The following CTNNA3 variants were observed in gnomAD, a reference collection of about 807,000 sequenced individuals.
The protein encoded by CTNNA3 is catenin alpha-3.
Under a neutral mutation model 95.7 loss-of-function variants are expected in CTNNA3, and 76 were observed. The observed-to-expected ratio is 0.79, with a 90% CI of 0.66 to 0.96. CTNNA3 has a LOEUF of 0.96. Among genes scored for constraint, CTNNA3 ranks in the 40% least tolerant of loss-of-function variants. CTNNA3 has a pLI of 0.00. For synonymous variants in CTNNA3, 431 were observed against 374.4 expected (o/e 1.15, Z -1.74); for missense variants, 1,191 against 1,089.8 (o/e 1.09, Z -1.31).
At chr10:66,934,019 C>T (rs111658588) in intron 7 of CTNNA3, among the ~76,000 whole-genome samples, 21 of 152,074 alleles carry the variant, frequency 1.4e-4, no homozygotes, top group East Asian at 3.9e-4. Context: ...CATGAATGGA[C>T]GCTCTTGAGT....
intron 1 of CTNNA3, among the ~76,000 whole-genome samples, chr10:67,718,524 T>A (rs1367848759): frequency 6.6e-6 from 1 of 152,204 alleles, no homozygotes; most frequent in African/African-American, 2.4e-5. Context: ...GAAGGGGTGT[T>A]AAATTTTATC....
chr10:66,911,077 C>G (rs1846201950), intron 7 of CTNNA3, among the ~76,000 whole-genome samples: 1 of 152,144 alleles, frequency 6.6e-6, no homozygotes, highest in African/African-American at 2.4e-5. Flanking sequence ...AAATATTATG[C>G]TAGCCATGTG....
intron 7 of CTNNA3, among the ~76,000 whole-genome samples, chr10:67,132,174 T>C (rs1351058058): frequency 6.6e-6 from 1 of 152,136 alleles, no homozygotes. Flanking sequence ...AGAAATCTAA[T>C]ATGACTCTTA....
At chr10:66,885,560 A>ACT (rs112269037) in intron 7 of CTNNA3, among the ~76,000 whole-genome samples, 1,756 of 152,218 alleles carry the variant, frequency 0.012, 41 homozygotes, top group African/African-American at 0.04. Context: ...TCTGTTAGAG[A>ACT]AACACTGGGA....
chr10:66,149,348 G>T (rs1211313590), intron 13 of CTNNA3, among the ~76,000 whole-genome samples: 1 of 150,480 alleles, frequency 6.6e-6, no homozygotes, highest in Non-Finnish European at 1.5e-5. Flanking sequence ...ATATATAATT[G>T]CACATTTAGA....
intron 13 of CTNNA3, among the ~76,000 whole-genome samples, chr10:66,247,631 C>A (rs1330812232): frequency 6.6e-6 from 1 of 152,170 alleles, no homozygotes; most frequent in Non-Finnish European, 1.5e-5. Context: ...AAGAGAGCTA[C>A]ATTACATCTG....
chr10:66,943,811 AG>A (rs1300088620), intron 7 of CTNNA3, among the ~76,000 whole-genome samples: 2 of 152,234 alleles, frequency 1.3e-5, no homozygotes, highest in Non-Finnish European at 2.9e-5. Flanking sequence ...TGAATATAAA[AG>A]CTATGTTTAT....
intron 13 of CTNNA3, among the ~76,000 whole-genome samples, chr10:66,226,485 T>G (rs1243899190): frequency 1.3e-5 from 2 of 152,158 alleles, no homozygotes; most frequent in Non-Finnish European, 2.9e-5. Flanking sequence ...ACAAGCAGTA[T>G]TATGCCTCTA....
chr10:67,572,660 C>T (rs575524433), intron 3 of CTNNA3, among the ~76,000 whole-genome samples: 1 of 152,300 alleles, frequency 6.6e-6, no homozygotes, highest in South Asian at 2.1e-4. Context: ...AAACTCACTA[C>T]ACAGAAATAG....
intron 9 of CTNNA3, among the ~76,000 whole-genome samples, chr10:66,722,590 C>G (rs1848664908): frequency 6.7e-6 from 1 of 148,176 alleles, no homozygotes; most frequent in Non-Finnish European, 1.5e-5. Flanking sequence ...CCACCACACA[C>G]AGAAACACAC....
intron 7 of CTNNA3, among the ~76,000 whole-genome samples, chr10:67,116,846 T>C (rs1185099382): frequency 6.6e-6 from 1 of 151,466 alleles, no homozygotes; most frequent in Admixed American, 6.6e-5. Flanking sequence ...TTTATATGTG[T>C]ATAAACACAC....
At chr10:67,544,221 A>C (rs1447554051) in intron 3 of CTNNA3, among the ~76,000 whole-genome samples, 1 of 152,204 alleles carries the variant, frequency 6.6e-6, no homozygotes, top group Non-Finnish European at 1.5e-5. Context: ...ATTTGCTTCC[A>C]GTCAAGGGAG....
intron 11 of CTNNA3, among the ~76,000 whole-genome samples, chr10:66,438,518 C>T (rs369929854): frequency 2.0e-5 from 3 of 152,146 alleles, no homozygotes; most frequent in Non-Finnish European, 4.4e-5. Flanking sequence ...ACTGCCTACT[C>T]AAGCCTCAGT....
intron 3 of CTNNA3, among the ~76,000 whole-genome samples, chr10:67,546,478 C>T (rs1249472962): frequency 1.3e-5 from 2 of 152,076 alleles, no homozygotes; most frequent in African/African-American, 4.8e-5. Context: ...AAAATATATT[C>T]CTGCAACATT....
At chr10:66,805,574 TG>T (rs902964970) in intron 7 of CTNNA3, among the ~76,000 whole-genome samples, 2 of 150,776 alleles carry the variant, frequency 1.3e-5, no homozygotes, top group African/African-American at 4.9e-5. Context: ...TGGTAATTTA[TG>T]GGGGGGAGAA....
chr10:67,291,090 G>A (rs1839821441), intron 5 of CTNNA3, among the ~76,000 whole-genome samples: 1 of 152,010 alleles, frequency 6.6e-6, no homozygotes, highest in Admixed American at 6.6e-5. Flanking sequence ...GGCTGTTTTT[G>A]GCTATATAAT....
intron 1 of CTNNA3, among the ~76,000 whole-genome samples, chr10:67,741,586 A>T (rs1174879288): frequency 6.6e-6 from 1 of 151,226 alleles, no homozygotes; most frequent in East Asian, 1.9e-4. Flanking sequence ...GGCTAGGAAG[A>T]AACTGCGTCA....
intron 2 of CTNNA3, among the ~76,000 whole-genome samples, chr10:67,629,772 A>G (rs1839080052): frequency 6.6e-6 from 1 of 152,200 alleles, no homozygotes; most frequent in South Asian, 2.1e-4. Context: ...AAACTGAAAA[A>G]AATCTGTTAA....
intron 4 of CTNNA3, among the ~76,000 whole-genome samples, chr10:67,538,641 C>T (rs1352362736): frequency 6.6e-6 from 1 of 151,536 alleles, no homozygotes; most frequent in African/African-American, 2.4e-5. Context: ...AAAGGTTTAG[C>T]TTAGCAGTTA....
Sources: allele counts gnomAD v4.1 joint callset (sites outside exome capture counted in the v4.1 genomes callset), GRCh38; gene constraint gnomAD v4.1.1; transcripts MANE v1.5; gene names NCBI Gene and HGNC (gene_info 2026-07-23, HGNC 2026-07-21).